The following PIK3CB variants were observed in gnomAD, a reference collection of about 807,000 sequenced individuals.
PIK3CB encodes the protein phosphatidylinositol 4,5-bisphosphate 3-kinase catalytic subunit beta isoform.
PIK3CB carries 39 observed loss-of-function variants against 136.8 expected under a neutral mutation model. The observed-to-expected ratio is 0.29, with a 90% CI of 0.22 to 0.37. The LOEUF is 0.37. Among genes scored for constraint, PIK3CB ranks in the 10% least tolerant of loss-of-function variants. The pLI, the probability that PIK3CB is intolerant of heterozygous loss-of-function variation, is 1.00. For missense variants in PIK3CB, 868 were observed against 1,275.4 expected (o/e 0.68, Z 4.87); for synonymous variants, 428 against 436.6 (o/e 0.98, Z 0.25).
rs145362746 is a variant in PIK3CB at position 138,794,997 on chromosome 3, TGACAGACTGA to T, written c.-17+1456_-17+1465del. Among the ~76,000 whole-genome samples the T allele has an allele frequency of 8.5e-3, 1,296 of 151,710 alleles. 25 individuals are homozygous for T. The highest frequency in any genetic ancestry group is 0.028 in the African/African-American group (1,173 of 41,356). On this transcript the variant is annotated intron_variant, in intron 2 of 23. Coordinates refer to ENST00000674063, the MANE Select transcript of PIK3CB (RefSeq NM_006219.3). ...TAGCATCACTGGACTCCAGCCTGAG[TGACAGACTGA>T]GACCCCATTTTCTTAAAAAAAAATT...
At chr3:138,667,526 G>T (rs1348364141) in intron 19 of PIK3CB, among the ~76,000 whole-genome samples, 1 of 151,608 alleles carries the variant, frequency 6.6e-6, no homozygotes, top group Non-Finnish European at 1.5e-5. Context: ...CAAAAAAATT[G>T]AATTATTTTA....
At chr3:138,734,935 G>C in intron 6 of PIK3CB, 131 bp from the exon 7 acceptor site, 110 of 366,212 alleles carry the variant, frequency 3.0e-4, no homozygotes, top group Non-Finnish European at 3.9e-4. Context: ...AGAATATCAA[G>C]AAATTAAAAA....
In PIK3CB at chr3:138,822,937, C is replaced by T. The variant is rs549712771; in HGVS notation, c.-122+11758G>A. The stretch of plus-strand genomic sequence containing the variant: ...ATGAAATATACATGAAACATATATA[C>T]GAAATATATATACATGAAATATATA... On this transcript the variant is annotated intron_variant, in intron 1 of 23. Coordinates refer to ENST00000674063, the MANE Select transcript of PIK3CB (RefSeq NM_006219.3). Among the ~76,000 whole-genome samples, 31 of 140,548 alleles carry T rather than the reference C, an allele frequency of 2.2e-4. No individual in the cohort carries two copies. The East Asian group carries it at 4.5e-3, about 20-fold the overall frequency. 92.2% of individuals were successfully genotyped at this position (140,548 alleles called of 152,430 possible). A position where few individuals can be genotyped will look rare whatever the true frequency, so the allele number is the denominator to read the frequency against.
At chr3:138,800,905 C>T (rs929693585) in intron 1 of PIK3CB, among the ~76,000 whole-genome samples, 13 of 152,118 alleles carry the variant, frequency 8.5e-5, no homozygotes, top group African/African-American at 3.1e-4. Flanking sequence ...GGATTATAGG[C>T]GTGAGCCACC....
chr3:138,753,811 GA>G (rs750270140), intron 4 of PIK3CB, among the ~76,000 whole-genome samples: 3 of 150,580 alleles, frequency 2.0e-5, no homozygotes, highest in African/African-American at 7.3e-5. Flanking sequence ...ATTTAAAAAA[GA>G]AAAAAAAATC....
chr3:138,711,695 C>G (rs187212511), intron 10 of PIK3CB, among the ~76,000 whole-genome samples: 2 of 151,884 alleles, frequency 1.3e-5, no homozygotes, highest in Admixed American at 1.3e-4. Flanking sequence ...AGTTATGTCC[C>G]ATAGCGAGAC....
intron 1 of PIK3CB, among the ~76,000 whole-genome samples, chr3:138,817,091 C>A (rs1576430399): frequency 6.6e-6 from 1 of 152,034 alleles, no homozygotes. Context: ...GGAATCCCAG[C>A]ACTTTGGGAG....
chr3:138,743,106 T>C (rs186358151), intron 4 of PIK3CB, among the ~76,000 whole-genome samples: 1 of 152,304 alleles, frequency 6.6e-6, no homozygotes, highest in Admixed American at 6.5e-5. Flanking sequence ...GATTCATTGT[T>C]TTTATTTACA....
chr3:138,716,098 A>C (rs2044601017), intron 8 of PIK3CB, among the ~76,000 whole-genome samples: 1 of 152,206 alleles, frequency 6.6e-6, no homozygotes, highest in Non-Finnish European at 1.5e-5. Flanking sequence ...GGTTATTCTA[A>C]ACACAGATGG....
rs555964145 is a variant in PIK3CB at position 138,655,370 on chromosome 3, T to G, written c.*19A>C. 22 of 1,612,058 alleles carry G rather than the reference T, an allele frequency of 1.4e-5. No homozygotes were observed. In the African/African-American group the frequency reaches 2.3e-4, roughly 17 times the overall value. ...AATGAAATGAAACCAACAAATACAT[T>G]AGGAGCGAAGGCTGATCGTTAAGAT... On this transcript the variant is annotated 3_prime_UTR_variant, in exon 24 of 24. Transcript: ENST00000674063.
intron 8 of PIK3CB, among the ~76,000 whole-genome samples, chr3:138,730,512 T>C (rs1411871997): frequency 2.0e-5 from 3 of 152,172 alleles, no homozygotes; most frequent in African/African-American, 7.2e-5. Context: ...GAAATTCCCA[T>C]TTGTTACTAC....
intron 2 of PIK3CB, chr3:138,777,914 T>C (rs1265535304): frequency 3.7e-6 from 1 of 272,798 alleles, no homozygotes; most frequent in South Asian, 4.4e-5. Context: ...AAGTGGATAT[T>C]GTCTCATCAA....
At chr3:138,659,458 A>C (rs2043248448) in intron 21 of PIK3CB, among the ~76,000 whole-genome samples, 1 of 151,962 alleles carries the variant, frequency 6.6e-6, no homozygotes, top group Admixed American at 6.6e-5. Flanking sequence ...CGGAGGCTGC[A>C]GTGAGCCGGG....
chr3:138,823,426 C>T (rs1209607533), intron 1 of PIK3CB, among the ~76,000 whole-genome samples: 2 of 149,988 alleles, frequency 1.3e-5, no homozygotes, highest in African/African-American at 2.4e-5. Flanking sequence ...AAGCAACGGT[C>T]GGGCAAGGTG....
intron 12 of PIK3CB, among the ~76,000 whole-genome samples, chr3:138,703,415 G>A (rs139719572): frequency 0.014 from 2,161 of 152,214 alleles, 47 homozygotes; most frequent in Middle Eastern, 0.048. Flanking sequence ...ACACTGCCAT[G>A]CTACAGGTAG....
intron 8 of PIK3CB, among the ~76,000 whole-genome samples, chr3:138,723,315 T>A (rs2044767218): frequency 6.6e-6 from 1 of 151,756 alleles, no homozygotes; most frequent in Admixed American, 6.6e-5. Context: ...CTTTGGGAGG[T>A]CGAGGTGGGC....
At chr3:138,827,861 G>A (rs1365874669) in intron 1 of PIK3CB, among the ~76,000 whole-genome samples, 2 of 151,466 alleles carry the variant, frequency 1.3e-5, no homozygotes, top group Non-Finnish European at 2.9e-5. Context: ...TGGTGGGGGC[G>A]CCTGTAATCC....
chr3:138,795,237 T>C (rs1189024037), intron 2 of PIK3CB, among the ~76,000 whole-genome samples: 8 of 150,194 alleles, frequency 5.3e-5, no homozygotes, highest in Non-Finnish European at 1.2e-4. Context: ...GGAGAATCAC[T>C]TGAAACCGGG....
chr3:138,724,206 C>A (rs1267288967), intron 8 of PIK3CB, among the ~76,000 whole-genome samples: 1 of 152,172 alleles, frequency 6.6e-6, no homozygotes, highest in Non-Finnish European at 1.5e-5. Context: ...ATGCCCTCCT[C>A]AGGTTCAATT....
Sources: gnomAD v4.1 joint callset for allele counts (sites outside exome capture counted in the v4.1 genomes callset) on GRCh38, gnomAD v4.1.1 for gene constraint, MANE v1.5 for transcripts, NCBI Gene and HGNC (gene_info 2026-07-23, HGNC 2026-07-21) for gene names.